SMARCA2: variants seen among roughly 807,000 people sequenced by gnomAD.
SMARCA2 encodes the protein SWI/SNF-related matrix-associated actin-dependent regulator of chromatin subfamily A member 2.
A neutral mutation model predicts 199.8 loss-of-function variants in SMARCA2; 61 were observed. The observed-to-expected ratio is 0.31, with a 90% CI of 0.25 to 0.38. The LOEUF (loss-of-function observed/expected upper bound fraction) is 0.38. Among genes scored for constraint, SMARCA2 ranks in the 10% least tolerant of loss-of-function variants. The probability of loss-of-function intolerance (pLI) is 1.00; values close to 1 mark genes in which losing one functional copy is unlikely to be tolerated. For missense variants in SMARCA2, 1,344 were observed against 2,012.2 expected (o/e 0.67, Z 6.35); for synonymous variants, 935 against 732.0 (o/e 1.28, Z -4.48).
chr9:2,169,002 G>A lies in SMARCA2; in HGVS notation c.4200-1417G>A, dbSNP rs534430206. Among the ~76,000 whole-genome samples, 3 of 152,200 alleles carry A rather than the reference G, an allele frequency of 2.0e-5. No homozygotes were observed. The highest frequency in any genetic ancestry group is 4.4e-5 in the Non-Finnish European group (3 of 68,030). The stretch of plus-strand genomic sequence containing the variant: ...CTCCCGTCACTCGTGCACATTCGGA[G>A]ATGACATGGTCTACTTAAGCTTCTG... On this transcript the variant is annotated intron_variant, in intron 28 of 33. Transcript: ENST00000349721. This position sits in a 1 kb window ranked among gnomAD's most constrained non-coding sequence, Gnocchi z 6.5.
chr9:2,101,992 T>G (rs1268571105), intron 22 of SMARCA2, among the ~76,000 whole-genome samples: 1 of 152,176 alleles, frequency 6.6e-6, no homozygotes, highest in Non-Finnish European at 1.5e-5. Flanking sequence ...TGAGAAGAAA[T>G]CTCTCATCTG....
At chr9:2,183,602 C>A (rs1052323510) in intron 31 of SMARCA2, among the ~76,000 whole-genome samples, 13 of 152,200 alleles carry the variant, frequency 8.5e-5, no homozygotes, top group African/African-American at 2.9e-4. Context: ...TGATCATACC[C>A]TTCTGCCTGC....
At chr9:2,102,636 C>T (rs1036658823) in intron 22 of SMARCA2, among the ~76,000 whole-genome samples, 18 of 152,170 alleles carry the variant, frequency 1.2e-4, no homozygotes, top group Admixed American at 1.2e-3. Context: ...GGAAAAGGCC[C>T]TGCTTTAGCC....
intron 3 of SMARCA2, 35 bp downstream of exon 3, chr9:2,033,116 C>T (rs757241177): frequency 6.2e-7 from 1 of 1,605,644 alleles, no homozygotes; most frequent in Non-Finnish European, 8.5e-7. Context: ...ACTGGTTCCC[C>T]AGCATAGTCT....
intron 27 of SMARCA2, chr9:2,160,046 T>G: frequency 8.9e-7 from 1 of 1,129,792 alleles, no homozygotes; most frequent in Non-Finnish European, 1.3e-6. Flanking sequence ...AGCAATACCA[T>G]TAACTGTTGA....
At chr9:2,025,405 G>C (rs1167936944) in intron 1 of SMARCA2, among the ~76,000 whole-genome samples, 1 of 152,114 alleles carries the variant, frequency 6.6e-6, no homozygotes, top group African/African-American at 2.4e-5. Flanking sequence ...GGAACAGGTC[G>C]TTCTTTTCTG....
intron 27 of SMARCA2, among the ~76,000 whole-genome samples, chr9:2,135,740 G>A (rs1415145776): frequency 3.9e-5 from 6 of 152,020 alleles, no homozygotes; most frequent in African/African-American, 1.2e-4. Flanking sequence ...ATGGGGTTTC[G>A]CCATGTTGGT....
At chr9:2,063,740 A>AC (rs376995887) in intron 9 of SMARCA2, among the ~76,000 whole-genome samples, 1 of 149,074 alleles carries the variant, frequency 6.7e-6, no homozygotes, top group Non-Finnish European at 1.5e-5. Context: ...CTAGTGTACA[A>AC]TTTTTTTTTT....
intron 9 of SMARCA2, 30 bp from the exon 10 acceptor site, chr9:2,070,388 C>T (rs1322823289): frequency 6.2e-7 from 1 of 1,604,976 alleles, no homozygotes; most frequent in South Asian, 1.1e-5. Flanking sequence ...ATCTTGGTTA[C>T]TTATAACATT....
chr9:2,182,164 C>T lies in SMARCA2; in HGVS notation c.4383C>T (p.Tyr1461=), dbSNP rs1229440166. The T allele has an allele frequency of 1.2e-6, 2 of 1,611,982 alleles. No individual in the cohort carries two copies. Among genetic ancestry groups the T allele is most frequent in the African/African-American group, 1.3e-5 (1 of 74,852 alleles). Residue 1461 remains tyrosine, a synonymous_variant, in exon 31 of 34, where the codon TAC becomes TAT. Transcript: ENST00000349721. The part of the protein sequence containing the change: ...KIKERIRNHK[Y]RSLGDLEKDV... The stretch of plus-strand genomic sequence containing the variant: ...AGGAAAGGATTCGTAATCATAAGTA[C>T]CGGAGCCTAGGCGACCTGGAGAAGG...
chr9:2,106,220 T>C (rs969062058), intron 23 of SMARCA2, among the ~76,000 whole-genome samples: 1 of 152,346 alleles, frequency 6.6e-6, no homozygotes, highest in Admixed American at 6.5e-5. Flanking sequence ...TTGGATCTGT[T>C]TGATTCCAAA....
intron 32 of SMARCA2, among the ~76,000 whole-genome samples, chr9:2,187,293 T>C (rs1827536597): frequency 6.6e-6 from 1 of 152,154 alleles, no homozygotes; most frequent in South Asian, 2.1e-4. Context: ...ACACCCAAGG[T>C]GCGTGCCTCC....
chr9:2,060,990 C>A lies in SMARCA2; in HGVS notation c.1692+4C>A. 6.2e-7 allele frequency: 1 copy of A among 1,612,118 alleles called. No individual in the cohort carries two copies. The highest frequency in any genetic ancestry group is 1.1e-5 in the South Asian group (1 of 90,860). On this transcript the variant is annotated splice_donor_region_variant and intron_variant, in intron 9 of 33. Transcript: ENST00000349721. ...GAAGAGGAGGAGGAGGAAGAAGGTG[C>A]GTATCCTAGTGGTGGTGGCTGAGTC...
rs1822654565 is a variant in SMARCA2, at chr9:2,104,220, G to T, written c.3292+51G>T. The T allele has an allele frequency of 6.6e-7, 1 of 1,511,104 alleles. No individual in the cohort carries two copies. Among genetic ancestry groups the T allele is most frequent in the East Asian group, 2.3e-5 (1 of 43,654 alleles). 93.6% of individuals were successfully genotyped at this position (1,511,104 alleles called of 1,614,324 possible). A position where few individuals can be genotyped will look rare whatever the true frequency, so the allele number is the denominator to read the frequency against. On this transcript the variant is annotated intron_variant, in intron 23 of 33. Transcript: ENST00000349721. The surrounding 1 kb of genome is among the most constrained non-coding windows in gnomAD (Gnocchi z 4.0). The stretch of plus-strand genomic sequence containing the variant: ...GAAGCCATACTACTGAAAATGAAGG[G>T]ATAATGGGCACTTAGGTCCAATCTC...
chr9:2,037,967 C>A (rs568243654), intron 3 of SMARCA2, among the ~76,000 whole-genome samples: 1 of 152,238 alleles, frequency 6.6e-6, no homozygotes, highest in African/African-American at 2.4e-5. Context: ...TGAAATAAGT[C>A]CCTTGAGGTT....
intron 32 of SMARCA2, 34 bp downstream of exon 32, chr9:2,186,262 G>T: frequency 6.3e-7 from 1 of 1,595,400 alleles, no homozygotes; most frequent in Non-Finnish European, 8.6e-7. Context: ...GTACATCTTT[G>T]CCCCTCCTCA....
intron 27 of SMARCA2, among the ~76,000 whole-genome samples, chr9:2,147,069 C>G (rs184540637): frequency 1.2e-3 from 176 of 152,250 alleles, no homozygotes; most frequent in Admixed American, 2.7e-3. Flanking sequence ...CAGTTCCATA[C>G]AGGCAGGCTT....
intron 27 of SMARCA2, among the ~76,000 whole-genome samples, chr9:2,133,109 G>A (rs1222649699): frequency 6.6e-6 from 1 of 152,152 alleles, no homozygotes; most frequent in Admixed American, 6.5e-5. Context: ...CTCACTCATC[G>A]AAAGTAACCA....
At chr9:2,165,782 C>T (rs1334801272) in intron 28 of SMARCA2, among the ~76,000 whole-genome samples, 5 of 152,172 alleles carry the variant, frequency 3.3e-5, no homozygotes, top group African/African-American at 4.8e-5. Flanking sequence ...GTCTGTGGAG[C>T]TATTCCAACT....
Sources: allele counts gnomAD v4.1 joint callset (sites outside exome capture counted in the v4.1 genomes callset), GRCh38; gene constraint gnomAD v4.1.1; non-coding constraint Gnocchi (gnomAD v3.1); transcripts MANE v1.5; gene names NCBI Gene and HGNC (gene_info 2026-07-23, HGNC 2026-07-21).